The following SLC24A2 variants were observed in gnomAD, a reference collection of about 807,000 sequenced individuals.
The protein encoded by SLC24A2 is sodium/potassium/calcium exchanger 2.
A neutral mutation model predicts 62.0 loss-of-function variants in SLC24A2; 36 were observed. The ratio of observed to expected loss-of-function variants is 0.58; its 90% CI spans 0.44 to 0.77. The LOEUF (loss-of-function observed/expected upper bound fraction) is 0.77. SLC24A2 is among the 30% of genes least tolerant of loss of function. The pLI is 0.00. For missense variants in SLC24A2, 846 were observed against 817.9 expected, an observed-to-expected ratio of 1.03 and a Z score of -0.42; for synonymous variants, 358 against 294.0, an observed-to-expected ratio of 1.22 and a Z score of -2.23.
At chr9:20,050,692 AT>A in the SLC24A2 span, among the ~76,000 whole-genome samples, 1 of 152,224 alleles carries the variant, frequency 6.6e-6, no homozygotes. Context: ...ACGTGAATAC[AT>A]TACCCAGCAT....
the SLC24A2 span, among the ~76,000 whole-genome samples, chr9:20,270,124 C>T: frequency 3.3e-5 from 5 of 152,158 alleles, no homozygotes; most frequent in African/African-American, 9.7e-5. Context: ...ATAATCCAGT[C>T]TTGTCAGAGA....
At chr9:19,959,510 T>C in the SLC24A2 span, among the ~76,000 whole-genome samples, 1 of 152,214 alleles carries the variant, frequency 6.6e-6, no homozygotes, top group African/African-American at 2.4e-5. Context: ...ATAAATTTGG[T>C]TCCTACCTTT....
the SLC24A2 span, among the ~76,000 whole-genome samples, chr9:19,837,853 A>T: frequency 6.6e-6 from 1 of 152,034 alleles, no homozygotes; most frequent in Admixed American, 6.6e-5. Context: ...TAGGAATCCA[A>T]CTTACAAGGG....
At chr9:20,039,659 G>A in the SLC24A2 span, among the ~76,000 whole-genome samples, 1 of 152,048 alleles carries the variant, frequency 6.6e-6, no homozygotes. Flanking sequence ...GGGCAACTTG[G>A]AGCCCACTGC....
chr9:19,869,090 T>A, the SLC24A2 span, among the ~76,000 whole-genome samples: 1 of 152,130 alleles, frequency 6.6e-6, no homozygotes, highest in Non-Finnish European at 1.5e-5. Flanking sequence ...CAAGTGATCC[T>A]CTGGCCTCAG....
At chr9:19,695,679 C>CAAAAAAAAA (rs66668393) in intron 2 of SLC24A2, among the ~76,000 whole-genome samples, 2 of 73,536 alleles carry the variant, frequency 2.7e-5, no homozygotes, top group Admixed American at 1.8e-4. Context: ...TTGTTAGTAG[C>CAAAAAAAAA]AAAAAAAAAA....
chr9:19,852,112 G>A, the SLC24A2 span, among the ~76,000 whole-genome samples: 1 of 152,076 alleles, frequency 6.6e-6, no homozygotes, highest in East Asian at 1.9e-4. Context: ...TATGTTTCTT[G>A]CCACATAAAT....
At chr9:20,235,523 T>C in the SLC24A2 span, among the ~76,000 whole-genome samples, 3 of 152,232 alleles carry the variant, frequency 2.0e-5, no homozygotes, top group Non-Finnish European at 2.9e-5. Flanking sequence ...CGTAGGACCC[T>C]CTGAGCCATA....
intron 1 of SLC24A2, 80 bp downstream of exon 1, chr9:19,788,805 C>T: frequency 1.0e-6 from 1 of 985,436 alleles, no homozygotes; most frequent in Non-Finnish European, 1.2e-6. Flanking sequence ...AGAGCAGCAA[C>T]GGGATGCGCG....
At chr9:19,637,435 T>G (rs1818387929) in intron 2 of SLC24A2, among the ~76,000 whole-genome samples, 2 of 152,198 alleles carry the variant, frequency 1.3e-5, no homozygotes, top group South Asian at 4.1e-4. Context: ...ATTGCCCCTC[T>G]GTAGGCTTTG....
chr9:19,903,317 G>A, the SLC24A2 span, among the ~76,000 whole-genome samples: 1 of 152,140 alleles, frequency 6.6e-6, no homozygotes, highest in Non-Finnish European at 1.5e-5. Context: ...ACATGGCAGA[G>A]AGAAACAGAG....
chr9:20,010,796 TC>T, the SLC24A2 span, among the ~76,000 whole-genome samples: 2 of 134,640 alleles, frequency 1.5e-5, no homozygotes, highest in Non-Finnish European at 3.1e-5. Context: ...TGTGTGATGT[TC>T]CCCTTCCTGT....
the SLC24A2 span, among the ~76,000 whole-genome samples, chr9:19,865,983 G>A: frequency 2.6e-5 from 4 of 152,156 alleles, no homozygotes; most frequent in Admixed American, 2.6e-4. Context: ...TGTCAGGAGT[G>A]CAAACAGCTC....
At chr9:19,529,302 T>C (rs979129983) in intron 8 of SLC24A2, among the ~76,000 whole-genome samples, 5 of 152,216 alleles carry the variant, frequency 3.3e-5, no homozygotes, top group African/African-American at 1.2e-4. Flanking sequence ...GTCATGGCTT[T>C]TGAGAGCTCC....
chr9:19,554,121 C>T (rs923983722), intron 7 of SLC24A2, among the ~76,000 whole-genome samples: 18 of 152,060 alleles, frequency 1.2e-4, no homozygotes, highest in African/African-American at 4.1e-4. Flanking sequence ...GATTAGGACA[C>T]CTAGAGAGAC....
chr9:19,749,306 C>G (rs1309428967), intron 2 of SLC24A2, among the ~76,000 whole-genome samples: 1 of 151,968 alleles, frequency 6.6e-6, no homozygotes, highest in Non-Finnish European at 1.5e-5. Context: ...ATTAAACCAA[C>G]CAGAATCTTT....
At chr9:20,047,301 T>G in the SLC24A2 span, among the ~76,000 whole-genome samples, 1 of 151,984 alleles carries the variant, frequency 6.6e-6, no homozygotes, top group South Asian at 2.1e-4. Flanking sequence ...AAACTTCAGT[T>G]ACTAATAATA....
the SLC24A2 span, among the ~76,000 whole-genome samples, chr9:20,121,732 C>T: frequency 6.6e-6 from 1 of 152,046 alleles, no homozygotes; most frequent in Non-Finnish European, 1.5e-5. Context: ...ATATCCAGAC[C>T]CTACTCAAAG....
intron 2 of SLC24A2, among the ~76,000 whole-genome samples, chr9:19,720,193 C>CT (rs1231850525): frequency 1.3e-5 from 2 of 152,058 alleles, no homozygotes; most frequent in East Asian, 1.9e-4. Flanking sequence ...GCTATATTGC[C>CT]TTTTTTCTAT....
Sources: gnomAD v4.1 joint callset for allele counts (sites outside exome capture counted in the v4.1 genomes callset) on GRCh38, gnomAD v4.1.1 for gene constraint, MANE v1.5 for transcripts, NCBI Gene and HGNC (gene_info 2026-07-23, HGNC 2026-07-21) for gene names.